DCHS2: variants seen among roughly 807,000 people sequenced by gnomAD.
The protein encoded by DCHS2 is dachsous cadherin-related 2.
In DCHS2, 142 loss-of-function variants were observed where a neutral mutation model predicts 182.4. That is an observed-to-expected ratio of 0.78 (90% confidence interval 0.68 to 0.89). The LOEUF is 0.89. Among genes scored for constraint, DCHS2 ranks in the 40% least tolerant of loss-of-function variants. The pLI, the probability that DCHS2 is intolerant of heterozygous loss-of-function variation, is 0.00. For synonymous variants in DCHS2, 1,740 were observed against 1,663.3 expected, an observed-to-expected ratio of 1.05 and a Z score of -1.12; for missense variants, 4,319 against 4,198.6, an observed-to-expected ratio of 1.03 and a Z score of -0.79.
At chr4:154,255,055 CT>C (rs1244670713) in intron 16 of DCHS2, among the ~76,000 whole-genome samples, 3 of 152,146 alleles carry the variant, frequency 2.0e-5, no homozygotes, top group Non-Finnish European at 4.4e-5. Context: ...AAGATCATTT[CT>C]ATTAGAACAC....
chr4:154,410,574 CAAAAAAAAAAAAA>C (rs1160670540), intron 1 of DCHS2, among the ~76,000 whole-genome samples: 1 of 35,366 alleles, frequency 2.8e-5, no homozygotes, highest in African/African-American at 1.0e-4. Context: ...GACTCCATCT[CAAAAAAAAAAAAA>C]AAAAAAAAAA....
chr4:154,333,767 G>A (rs1249326308), intron 4 of DCHS2: 4 of 428,494 alleles, frequency 9.3e-6, no homozygotes, highest in African/African-American at 2.0e-5. Context: ...AGGAGCAATC[G>A]ACTGTAACAT....
chr4:154,334,611 A>G (rs1728699854), intron 4 of DCHS2: 1 of 398,748 alleles, frequency 2.5e-6, no homozygotes, highest in Non-Finnish European at 4.5e-6. Flanking sequence ...TAGGAGACAT[A>G]TATTTTGTAT....
intron 1 of DCHS2, among the ~76,000 whole-genome samples, chr4:154,467,730 G>C (rs1423255499): frequency 6.6e-6 from 1 of 152,034 alleles, no homozygotes; most frequent in African/African-American, 2.4e-5. Context: ...ACACCTAATG[G>C]CAATTTTGAA....
rs1448891221 is a variant in DCHS2, at chr4:154,328,158, G to A, written c.3953C>T (p.Thr1318Ile). 6.2e-7 allele frequency: 1 copy of A among 1,608,798 alleles called. No homozygotes were observed. The highest frequency in any genetic ancestry group is 2.2e-5 in the East Asian group (1 of 44,626). ...LEGQPVNMLV[T>I]TVFAKDPDEG... is the part of the protein sequence containing the mutation. Reference sequence around the variant, plus strand: ...ATCAGGATCCTTTGCAAACACAGTTGTAACCAACATATTTACTGGTTGACC... The same window carrying A: ...ATCAGGATCCTTTGCAAACACAGTTATAACCAACATATTTACTGGTTGACC... Residue 1318 changes from threonine to isoleucine, a missense_variant, in exon 7 of 20, where the codon ACA becomes ATA. Thr to Ile is a moderately conservative substitution (Grantham distance 89, BLOSUM62 -1). Coordinates refer to ENST00000357232, the MANE Select transcript of DCHS2 (RefSeq NM_001358235.2).
chr4:154,277,779 G>T (rs1578900567), intron 13 of DCHS2, among the ~76,000 whole-genome samples: 1 of 152,228 alleles, frequency 6.6e-6, no homozygotes, highest in East Asian at 1.9e-4. Context: ...AGTGGTTCAT[G>T]CCTATAATCC....
At chr4:154,278,046 CA>C (rs1288224960) in intron 13 of DCHS2, among the ~76,000 whole-genome samples, 1 of 143,970 alleles carries the variant, frequency 6.9e-6, no homozygotes, top group African/African-American at 2.6e-5. Flanking sequence ...ATCACACACA[CA>C]AAAAAAAAGA....
chr4:154,486,570 C>A, intron 1 of DCHS2: 1 of 1,295,834 alleles, frequency 7.7e-7, no homozygotes, highest in Non-Finnish European at 1.0e-6. Flanking sequence ...GGTACAGTTA[C>A]AAGGAATGTA....
chr4:154,387,217 T>C (rs1731460494), intron 1 of DCHS2, among the ~76,000 whole-genome samples: 1 of 152,190 alleles, frequency 6.6e-6, no homozygotes, highest in African/African-American at 2.4e-5. Context: ...TTAATTATTG[T>C]CCTTTCTTCC....
chr4:154,316,195 A>G (rs909802996), intron 9 of DCHS2, among the ~76,000 whole-genome samples: 1 of 152,242 alleles, frequency 6.6e-6, no homozygotes, highest in African/African-American at 2.4e-5. Flanking sequence ...CTCAATTTAA[A>G]TTATATCAAA....
intron 16 of DCHS2, 121 bp from the exon 17 acceptor site, chr4:154,242,893 C>T: frequency 1.5e-6 from 2 of 1,331,818 alleles, no homozygotes; most frequent in Non-Finnish European, 2.0e-6. Context: ...TTATTTTTCT[C>T]TTGGATTTTC....
At chr4:154,361,583 C>A (rs1451173476) in intron 3 of DCHS2, among the ~76,000 whole-genome samples, 14 of 151,890 alleles carry the variant, frequency 9.2e-5, no homozygotes, top group Admixed American at 8.5e-4. Flanking sequence ...TCAAAGAAAG[C>A]CAGTGAACTA....
chr4:154,357,882 G>C (rs1393419262), intron 3 of DCHS2, among the ~76,000 whole-genome samples: 1 of 152,164 alleles, frequency 6.6e-6, no homozygotes, highest in Non-Finnish European at 1.5e-5. Context: ...CTCCACTTAA[G>C]AAACTTCTCC....
chr4:154,329,790 C>T lies in DCHS2; in HGVS notation c.3731-80G>A, dbSNP rs757178330. The T allele has an allele frequency of 4.8e-5, 64 of 1,325,302 alleles. 1 individual carries two copies. In the Middle Eastern group the frequency reaches 1.4e-3, roughly 29 times the overall value. 82.1% of individuals were successfully genotyped at this position (1,325,302 alleles called of 1,614,324 possible). ...GCCAGAACCATTTCCAGAAGGAAAA[C>T]CAAGTACAAAGCTTTGAGCAAATAT... On this transcript the variant is annotated intron_variant, in intron 5 of 19. Transcript: ENST00000357232.
chr4:154,455,224 T>C (rs1734712957), intron 1 of DCHS2, among the ~76,000 whole-genome samples: 1 of 152,224 alleles, frequency 6.6e-6, no homozygotes, highest in Admixed American at 6.5e-5. Context: ...GAATTTATAA[T>C]TCATTTACCA....
At chr4:154,343,623 G>T in intron 3 of DCHS2, 1 of 1,505,186 alleles carries the variant, frequency 6.6e-7, no homozygotes. Context: ...TTTTTCTGCA[G>T]CTTCCTCATC....
intron 13 of DCHS2, among the ~76,000 whole-genome samples, chr4:154,294,959 G>A (rs1179919457): frequency 6.6e-6 from 1 of 152,220 alleles, no homozygotes; most frequent in Non-Finnish European, 1.5e-5. Flanking sequence ...CGCTTCTTGT[G>A]TCTTTTATTC....
At chr4:154,389,062 CT>C (rs1222045869) in intron 1 of DCHS2, among the ~76,000 whole-genome samples, 1 of 152,162 alleles carries the variant, frequency 6.6e-6, no homozygotes, top group Admixed American at 6.5e-5. Context: ...CATAAAGTCT[CT>C]GTTACAACTA....
intron 17 of DCHS2, among the ~76,000 whole-genome samples, chr4:154,241,595 A>T (rs1731829367): frequency 6.6e-6 from 1 of 152,160 alleles, no homozygotes; most frequent in East Asian, 1.9e-4. Flanking sequence ...TCCATTGTAT[A>T]TGAAACCCAT....
Sources: allele counts gnomAD v4.1 joint callset (sites outside exome capture counted in the v4.1 genomes callset), GRCh38; gene constraint gnomAD v4.1.1; transcripts MANE v1.5; gene names NCBI Gene and HGNC (gene_info 2026-07-23, HGNC 2026-07-21).